Variants in XRCC4 observed in about 807,000 individuals in gnomAD.
The protein encoded by XRCC4 is X-ray repair cross complementing 4, also known as DNA repair protein XRCC4.
In XRCC4, 28 loss-of-function variants were observed where a neutral mutation model predicts 39.1. That is an observed-to-expected ratio of 0.72 (90% CI 0.53 to 0.98). The LOEUF (loss-of-function observed/expected upper bound fraction) is 0.98. XRCC4 is among the 50% of genes least tolerant of loss of function. XRCC4 has a pLI of 0.00. For synonymous variants in XRCC4, 123 were observed against 126.4 expected (o/e 0.97, Z 0.18); for missense variants, 350 against 376.4 (o/e 0.93, Z 0.58).
chr5:83,232,474 A>T (rs184459181), intron 6 of XRCC4, among the ~76,000 whole-genome samples: 11 of 152,172 alleles, frequency 7.2e-5, no homozygotes, highest in Admixed American at 2.0e-4. Context: ...GGTCTTTAGG[A>T]AGACTGTTGC....
intron 7 of XRCC4, among the ~76,000 whole-genome samples, chr5:83,304,645 A>G (rs535580347): frequency 6.6e-6 from 1 of 152,304 alleles, no homozygotes; most frequent in Admixed American, 6.5e-5. Context: ...CCATACAAAC[A>G]TGTAGTCATT....
At chr5:83,325,021 A>G (rs746945151) in intron 7 of XRCC4, among the ~76,000 whole-genome samples, 16 of 152,088 alleles carry the variant, frequency 1.1e-4, no homozygotes, top group Admixed American at 8.5e-4. Context: ...CCTTCCTAGA[A>G]CAATGTAGCA....
intron 1 of XRCC4, among the ~76,000 whole-genome samples, chr5:83,090,297 AGTG>A (rs1561317671): frequency 6.6e-6 from 1 of 151,658 alleles, no homozygotes; most frequent in African/African-American, 2.4e-5. Flanking sequence ...TTCTCATGAT[AGTG>A]AATAAATCTC....
intron 7 of XRCC4, among the ~76,000 whole-genome samples, chr5:83,283,173 T>G (rs530439251): frequency 6.6e-6 from 1 of 152,296 alleles, no homozygotes; most frequent in South Asian, 2.1e-4. Flanking sequence ...TTTGTAAACC[T>G]GCTGTAGCTA....
chr5:83,347,614 T>C (rs184252464), intron 7 of XRCC4, among the ~76,000 whole-genome samples: 4 of 152,270 alleles, frequency 2.6e-5, no homozygotes, highest in African/African-American at 9.6e-5. Context: ...TCCTCCAACA[T>C]TGGGGATTAC....
chr5:83,156,318 G>C (rs1306922880), intron 3 of XRCC4, among the ~76,000 whole-genome samples: 4 of 147,112 alleles, frequency 2.7e-5, no homozygotes, highest in Non-Finnish European at 6.0e-5. Flanking sequence ...TTGGTACCCT[G>C]TTTAAATTCT....
At chr5:83,131,905 G>T (rs1287499611) in intron 3 of XRCC4, among the ~76,000 whole-genome samples, 1 of 152,112 alleles carries the variant, frequency 6.6e-6, no homozygotes, top group African/African-American at 2.4e-5. Flanking sequence ...TGTTATGTGT[G>T]AATTTGATCC....
chr5:83,260,062 A>G (rs1753696656), intron 7 of XRCC4, among the ~76,000 whole-genome samples: 1 of 152,034 alleles, frequency 6.6e-6, no homozygotes, highest in South Asian at 2.1e-4. Flanking sequence ...TCTCCATACT[A>G]TGCTGTATCC....
chr5:83,270,585 T>G (rs1240009840), intron 7 of XRCC4, among the ~76,000 whole-genome samples: 1 of 151,958 alleles, frequency 6.6e-6, no homozygotes, highest in Non-Finnish European at 1.5e-5. Context: ...AAACACAAAT[T>G]GGATTATATC....
At position 83,258,681 on chromosome 5, in the gene XRCC4, A is replaced by C. The variant is rs1337327432; in HGVS notation, c.893+4A>C. ...ATCAGCTTCAAGAAAAGGAAAAGTA[A>C]GTCATTTTATTCTTTGCCAAGAAGT... On this transcript the variant is annotated splice_donor_region_variant and intron_variant, in intron 7 of 7. Coordinates refer to ENST00000396027, the MANE Select transcript of XRCC4 (RefSeq NM_003401.5). 5 of 1,609,942 alleles carry C rather than the reference A, an allele frequency of 3.1e-6. No homozygotes were observed. The South Asian group carries it at 5.5e-5, about 18-fold the overall frequency.
At chr5:83,120,415 G>T (rs1746954440) in intron 3 of XRCC4, among the ~76,000 whole-genome samples, 1 of 152,112 alleles carries the variant, frequency 6.6e-6, no homozygotes. Context: ...TTGCAGTCAG[G>T]CTCCCAACTA....
At chr5:83,189,723 T>A (rs185317532) in intron 3 of XRCC4, among the ~76,000 whole-genome samples, 1 of 152,224 alleles carries the variant, frequency 6.6e-6, no homozygotes, top group African/African-American at 2.4e-5. Context: ...GATATGTTAC[T>A]GTCCCTTTTA....
chr5:83,316,040 ATGGGAGG>A (rs144806042), intron 7 of XRCC4, among the ~76,000 whole-genome samples: 2,948 of 152,258 alleles, frequency 0.019, 75 homozygotes, highest in African/African-American at 0.066. Context: ...TTCATGATTC[ATGGGAGG>A]TGGTAAAATT....
intron 6 of XRCC4, among the ~76,000 whole-genome samples, chr5:83,255,686 A>G (rs1753511022): frequency 6.6e-6 from 1 of 152,232 alleles, no homozygotes; most frequent in Non-Finnish European, 1.5e-5. Context: ...AAGTAAGCAC[A>G]AAATAATTCA....
intron 3 of XRCC4, among the ~76,000 whole-genome samples, chr5:83,161,383 C>T (rs140701258): frequency 0.032 from 4,892 of 152,216 alleles, 129 homozygotes; most frequent in South Asian, 0.13. Context: ...CCACAGGCCT[C>T]GGCCTCCCAA....
chr5:83,094,885 T>A (rs1051053919), intron 1 of XRCC4, among the ~76,000 whole-genome samples: 15 of 22,092 alleles, frequency 6.8e-4, no homozygotes, highest in African/African-American at 4.2e-3. Flanking sequence ...TTCTGAAATC[T>A]TTTTTTTTTT....
intron 2 of XRCC4, among the ~76,000 whole-genome samples, chr5:83,108,599 CTT>C (rs1464157876): frequency 6.6e-6 from 1 of 151,752 alleles, no homozygotes; most frequent in Non-Finnish European, 1.5e-5. Context: ...AGACAGGTAT[CTT>C]TTCATTTTAA....
Position 83,176,134 on chromosome 5 carries a change from T to C in XRCC4, c.316-19636T>C, listed in dbSNP as rs529447847. On this transcript the variant is annotated intron_variant, in intron 3 of 7. Coordinates refer to ENST00000396027, the MANE Select transcript of XRCC4 (RefSeq NM_003401.5). ...CTTGATTATTGATTAGCGTAAGTTA[T>C]AATCTATACTAAACATTAGAAACCT... 3.9e-5 allele frequency among the ~76,000 whole-genome samples: 6 copies of C among 152,336 alleles called. No individual in the cohort carries two copies. The South Asian group carries it at 1.2e-3, about 32-fold the overall frequency.
At chr5:83,338,333 C>T (rs10514256) in intron 7 of XRCC4, among the ~76,000 whole-genome samples, 8,232 of 152,172 alleles carry the variant, frequency 0.054, 362 homozygotes, top group East Asian at 0.15. Context: ...ATGATTGAGG[C>T]TGAGATATGT....
Sources: allele counts gnomAD v4.1 joint callset (sites outside exome capture counted in the v4.1 genomes callset), GRCh38; gene constraint gnomAD v4.1.1; transcripts MANE v1.5; gene names NCBI Gene and HGNC (gene_info 2026-07-23, HGNC 2026-07-21).